Variants in XPO1 observed in about 807,000 individuals in gnomAD.
XPO1 encodes exportin 1.
A neutral mutation model predicts 133.3 loss-of-function variants in XPO1; 5 were observed. The ratio of observed to expected loss-of-function variants is 0.04; its 90% CI spans 0.02 to 0.08. The LOEUF (loss-of-function observed/expected upper bound fraction) is 0.08. XPO1 is among the 10% of genes least tolerant of loss of function. The pLI, the probability that XPO1 is intolerant of heterozygous loss-of-function variation, is 1.00. For synonymous variants in XPO1, 419 were observed against 408.2 expected (o/e 1.03, Z -0.32); for missense variants, 506 against 1,267.5 (o/e 0.40, Z 9.12).
In XPO1 at chr2:61,478,794, G is replaced by C. The variant is rs1558621784; in HGVS notation, c.*26C>G. 1.9e-6 allele frequency: 3 copies of C among 1,608,064 alleles called. No homozygotes were observed. The highest frequency in any genetic ancestry group is 2.5e-6 in the Non-Finnish European group (3 of 1,176,988). On this transcript the variant is annotated 3_prime_UTR_variant, in exon 25 of 25. Transcript: ENST00000401558. Reference sequence around the variant, plus strand: ...TTTTCCTCTGCTAACGAGTTGCAGAGAAAAAAAACAGCATGAATTTGGATT... The same window carrying C: ...TTTTCCTCTGCTAACGAGTTGCAGACAAAAAAAACAGCATGAATTTGGATT...
intron 10 of XPO1, among the ~76,000 whole-genome samples, 199 bp from the exon 11 acceptor site, chr2:61,495,812 G>A (rs991927168): frequency 1.3e-5 from 2 of 151,958 alleles, no homozygotes; most frequent in African/African-American, 4.8e-5. Context: ...TGGAACCACA[G>A]GTATGTGCCA....
At position 61,492,982 on chromosome 2, in the gene XPO1, T is replaced by A; in HGVS notation, c.1317A>T (p.Glu439Asp). 1 of 1,611,526 alleles carries A rather than the reference T, an allele frequency of 6.2e-7. No individual in the cohort carries two copies. Among genetic ancestry groups the A allele is most frequent in the Non-Finnish European group, 8.5e-7 (1 of 1,179,522 alleles). The change falls in exon 13 of 25, where the codon GAA becomes GAT. Residue 439 changes from glutamate to aspartate, a missense_variant. Physicochemically the swap from Glu to Asp is conservative, Grantham distance 45. Around this residue, in one of 6 missense-constraint regions of XPO1, gnomAD observed 21 missense variants for 198.1 expected, o/e 0.11. Transcript: ENST00000401558. This position sits in a 1 kb window ranked among gnomAD's most constrained non-coding sequence, Gnocchi z 5.6. ...TATCCTTCATGAATTCTCTCACAAC[T>A]TCTCCTTGATCATTCTCTACAACCA... is the stretch of plus-strand genomic sequence containing the variant. Reference protein sequence around the residue: ...EVLVVENDQGEVVREFMKDTD... With the variant: ...EVLVVENDQGDVVREFMKDTD...
At chr2:61,534,636 T>C (rs1194181864) in intron 1 of XPO1, 1 of 152,212 alleles carries the variant, frequency 6.6e-6, no homozygotes, top group Non-Finnish European at 1.5e-5. Flanking sequence ...TAAGCCGAGA[T>C]GCACCACCAC....
In XPO1 at chr2:61,490,162, T is replaced by C. The variant is rs145967675; in HGVS notation, c.2022+480A>G. ...TCTCGGTCTCCCAAAGTGCTGGGATTACAGGCGTGAGCCACCGAGCCCGGC... is the reference window on the plus strand; with the variant it reads ...TCTCGGTCTCCCAAAGTGCTGGGATCACAGGCGTGAGCCACCGAGCCCGGC... On this transcript the variant is annotated intron_variant, in intron 17 of 24. Coordinates refer to ENST00000401558, the MANE Select transcript of XPO1 (RefSeq NM_003400.4). Among the ~76,000 whole-genome samples the C allele has an allele frequency of 4.6e-3, 692 of 152,006 alleles. 3 individuals are homozygous for C. The highest frequency in any genetic ancestry group is 0.016 in the African/African-American group (662 of 41,446).
intron 24 of XPO1, 130 bp downstream of exon 24, chr2:61,481,055 T>C (rs568003383): frequency 1.7e-5 from 9 of 525,502 alleles, no homozygotes; most frequent in East Asian, 1.0e-4. Context: ...ATTACAGAGA[T>C]TGTGTAAACG....
intron 17 of XPO1, 30 bp downstream of exon 17, chr2:61,490,612 A>G: frequency 6.2e-7 from 1 of 1,613,488 alleles, no homozygotes; most frequent in Non-Finnish European, 8.5e-7. Context: ...AATCCCATGA[A>G]AACTTTTAAG....
intron 10 of XPO1, among the ~76,000 whole-genome samples, chr2:61,496,502 C>T (rs1430338569): frequency 6.6e-6 from 1 of 152,144 alleles, no homozygotes; most frequent in Non-Finnish European, 1.5e-5. Context: ...AACCACCATG[C>T]CTGGCCATGA....
chr2:61,495,174 A>T (rs1697186180), intron 11 of XPO1, among the ~76,000 whole-genome samples: 1 of 152,150 alleles, frequency 6.6e-6, no homozygotes, highest in Non-Finnish European at 1.5e-5. Flanking sequence ...ATTAAAACTG[A>T]AATTTTAAAA....
intron 4 of XPO1, among the ~76,000 whole-genome samples, chr2:61,521,744 GTTT>G (rs1035623464): frequency 6.6e-6 from 1 of 151,550 alleles, no homozygotes; most frequent in African/African-American, 2.4e-5. Context: ...CTTACATATG[GTTT>G]TTTTTGTTGT....
intron 4 of XPO1, among the ~76,000 whole-genome samples, chr2:61,513,762 A>C (rs958002559): frequency 6.6e-6 from 1 of 152,228 alleles, no homozygotes; most frequent in Non-Finnish European, 1.5e-5. Context: ...TCTGCAAAAG[A>C]CACCATTACA....
At chr2:61,498,843 A>AT (rs1405284268) in intron 8 of XPO1, 22 bp downstream of exon 8, 1 of 1,607,182 alleles carries the variant, frequency 6.2e-7, no homozygotes, top group South Asian at 1.1e-5. Flanking sequence ...TTGTTTTTAA[A>AT]AATGAAATTA....
intron 19 of XPO1, among the ~76,000 whole-genome samples, chr2:61,486,978 T>A (rs1245115123): frequency 6.6e-6 from 1 of 151,612 alleles, no homozygotes; most frequent in African/African-American, 2.4e-5. Context: ...AAAGAGTAAC[T>A]TCTTGTTCTT....
At position 61,482,612 on chromosome 2, in the gene XPO1, GTT is replaced by G. The variant is rs11360652; in HGVS notation, c.2813-75_2813-74del. The G allele has an allele frequency of 5.7e-3, 5,738 of 1,012,806 alleles. 3 individuals are homozygous for G. The highest frequency in any genetic ancestry group is 7.1e-3 in the South Asian group (337 of 47,236). The allele number at this position is 1,012,806 out of a possible 1,614,324, so 62.7% of individuals were successfully genotyped here. Reference sequence around the variant, plus strand: ...AGATCTTAGCGTTTTTTTTTGTTTTGTTTTTTTTTTTTAGACGGAGTCTCGCT... The same window carrying G: ...AGATCTTAGCGTTTTTTTTTGTTTTGTTTTTTTTTTAGACGGAGTCTCGCT... On this transcript the variant is annotated intron_variant, in intron 22 of 24. Coordinates refer to ENST00000401558, the MANE Select transcript of XPO1 (RefSeq NM_003400.4).
At chr2:61,514,286 C>T (rs918604222) in intron 4 of XPO1, among the ~76,000 whole-genome samples, 1 of 151,574 alleles carries the variant, frequency 6.6e-6, no homozygotes, top group African/African-American at 2.4e-5. Flanking sequence ...GAACACAGAA[C>T]AACACTACTC....
At position 61,478,740 on chromosome 2, in the gene XPO1, C is replaced by A. The variant is rs1170758852; in HGVS notation, c.*80G>T. 6.8e-7 allele frequency: 1 copy of A among 1,461,270 alleles called. No individual in the cohort carries two copies. The highest frequency in any genetic ancestry group is 9.2e-7 in the Non-Finnish European group (1 of 1,086,482). 90.5% of individuals were successfully genotyped at this position (1,461,270 alleles called of 1,614,324 possible). On this transcript the variant is annotated 3_prime_UTR_variant, in exon 25 of 25. Transcript: ENST00000401558. ...GACATTTTAATTTACAAATTGGCAT[C>A]ATTTTGGTCGACAAATACCCACATG...
chr2:61,495,392 C>A, intron 11 of XPO1, 63 bp downstream of exon 11: 2 of 1,321,780 alleles, frequency 1.5e-6, no homozygotes, highest in South Asian at 2.0e-5. Flanking sequence ...TAGAAAAAGG[C>A]ACTTTTAAGA....
chr2:61,502,545 G>A (rs1573156454), intron 4 of XPO1: 2 of 377,454 alleles, frequency 5.3e-6, no homozygotes, highest in East Asian at 5.3e-5. Flanking sequence ...CTGAGGCCAG[G>A]AATTCGAGAC....
At chr2:61,515,702 T>C (rs1306743566) in intron 4 of XPO1, among the ~76,000 whole-genome samples, 7 of 152,206 alleles carry the variant, frequency 4.6e-5, no homozygotes, top group Non-Finnish European at 8.8e-5. Context: ...GAGCACTAAA[T>C]AAAATTTTAT....
At chr2:61,482,600 T>TG (rs199639142) in intron 22 of XPO1, 61 bp from the exon 23 acceptor site, 1,952 of 1,330,108 alleles carry the variant, frequency 1.5e-3, no homozygotes, top group African/African-American at 2.2e-3. Context: ...TCTTAGCGTT[T>TG]TTTTTTGTTT....
Sources: allele counts gnomAD v4.1 joint callset (sites outside exome capture counted in the v4.1 genomes callset), GRCh38; gene constraint gnomAD v4.1.1; regional missense constraint gnomAD v4.1.1; non-coding constraint Gnocchi (gnomAD v3.1); transcripts MANE v1.5; gene names NCBI Gene and HGNC (gene_info 2026-07-23, HGNC 2026-07-21).